Variants in PVT1 observed in about 807,000 individuals in gnomAD.
PVT1 encodes the protein CXCR4/PVT1 fusion.
intron 2 of PVT1, among the ~76,000 whole-genome samples, chr8:127,813,806 T>C (rs1814627569): frequency 6.6e-6 from 1 of 152,144 alleles, no homozygotes; most frequent in South Asian, 2.1e-4. Context: ...GCAAACCACA[T>C]GGAAACGAGA....
intron 3 of PVT1, among the ~76,000 whole-genome samples, chr8:127,944,554 A>ATTT (rs11403538): frequency 6.9e-5 from 10 of 145,512 alleles, no homozygotes; most frequent in Admixed American, 2.1e-4. Flanking sequence ...CAGTTGTCCC[A>ATTT]TTTTTTTTTT....
At chr8:128,079,952 G>A (rs1391656844) in intron 5 of PVT1, among the ~76,000 whole-genome samples, 1 of 152,016 alleles carries the variant, frequency 6.6e-6, no homozygotes, top group African/African-American at 2.4e-5. Context: ...TTTCAATCTC[G>A]TGACCTCGTA....
At chr8:127,933,864 G>T (rs1027432549) in intron 3 of PVT1, among the ~76,000 whole-genome samples, 42 of 152,322 alleles carry the variant, frequency 2.8e-4, no homozygotes, top group African/African-American at 9.9e-4. Flanking sequence ...TCTACATCCT[G>T]GGTTCTTCAT....
intron 4 of PVT1, among the ~76,000 whole-genome samples, chr8:128,007,278 G>A (rs535051058): frequency 3.0e-4 from 46 of 152,346 alleles, no homozygotes; most frequent in African/African-American, 1.1e-3. Context: ...TTGGGCAATA[G>A]TATTGTACTA....
At chr8:128,051,277 A>G (rs1813692536) in intron 4 of PVT1, among the ~76,000 whole-genome samples, 1 of 152,234 alleles carries the variant, frequency 6.6e-6, no homozygotes, top group Non-Finnish European at 1.5e-5. Flanking sequence ...TGCATAAGAC[A>G]TAGGTAGCTG....
intron 3 of PVT1, among the ~76,000 whole-genome samples, chr8:127,910,320 G>C (rs1408493316): frequency 6.6e-6 from 1 of 152,150 alleles, no homozygotes; most frequent in East Asian, 1.9e-4. Context: ...GGTGGTTTTT[G>C]TTCCATAATA....
At chr8:127,866,818 T>C (rs1246783626) in intron 2 of PVT1, among the ~76,000 whole-genome samples, 1 of 152,178 alleles carries the variant, frequency 6.6e-6, no homozygotes, top group Non-Finnish European at 1.5e-5. Context: ...CCTAGGCAGA[T>C]CTTGCCTCCC....
At chr8:127,970,293 T>G (rs1040413732) in intron 3 of PVT1, among the ~76,000 whole-genome samples, 82 of 114,460 alleles carry the variant, frequency 7.2e-4, no homozygotes, top group African/African-American at 2.5e-3. Context: ...TGATTTGTTT[T>G]TTTTTTTTTT....
chr8:128,085,564 T>G (rs577491903), intron 5 of PVT1, among the ~76,000 whole-genome samples: 113 of 152,330 alleles, frequency 7.4e-4, no homozygotes, highest in Non-Finnish European at 9.4e-4. Context: ...TTGATGTGGT[T>G]GTTGTTTCAA....
At chr8:127,911,809 C>T (rs1047548665) in intron 3 of PVT1, among the ~76,000 whole-genome samples, 4 of 152,202 alleles carry the variant, frequency 2.6e-5, no homozygotes, top group Admixed American at 6.5e-5. Context: ...ACTAGGGGTC[C>T]GCACTATGGG....
At chr8:127,959,954 T>A (rs1350520537) in intron 3 of PVT1, among the ~76,000 whole-genome samples, 4 of 152,204 alleles carry the variant, frequency 2.6e-5, no homozygotes, top group Non-Finnish European at 5.9e-5. Context: ...TGCCTGCCTT[T>A]TCATGTATGT....
intron 3 of PVT1, among the ~76,000 whole-genome samples, chr8:127,973,281 A>G (rs569633772): frequency 3.0e-4 from 45 of 152,294 alleles, no homozygotes; most frequent in African/African-American, 1.0e-3. Flanking sequence ...AGACGAATCA[A>G]TGACAGGGGT....
intron 3 of PVT1, among the ~76,000 whole-genome samples, chr8:127,988,873 G>C (rs986189026): frequency 6.6e-6 from 1 of 152,294 alleles, no homozygotes; most frequent in Middle Eastern, 3.4e-3. Context: ...GGGGGCTTAT[G>C]AGTCAGAAAG....
In PVT1 at chr8:127,925,405, A is replaced by G. The variant is rs142589094; in HGVS notation, n.782+34407A>G. Among the ~76,000 whole-genome samples the G allele has an allele frequency of 2.2e-3, 330 of 152,338 alleles. 1 individual carries two copies. Among genetic ancestry groups the G allele is most frequent in the African/African-American group, 7.6e-3 (314 of 41,572 alleles). On this transcript the variant is annotated intron_variant and non_coding_transcript_variant, in intron 3 of 10. Transcript: ENST00000651587. ...CATCATGTGATTAAGGCCAAACTCA[A>G]CTTCACAAAAGAGAGCCTCTACTAT...
chr8:128,006,181 C>T (rs566131419), intron 4 of PVT1, among the ~76,000 whole-genome samples: 2 of 150,662 alleles, frequency 1.3e-5, no homozygotes, highest in East Asian at 1.9e-4. Context: ...CAGGACTTCT[C>T]CAAGTTTAGA....
chr8:127,920,677 A>T (rs1181242281), intron 3 of PVT1, among the ~76,000 whole-genome samples: 1 of 152,224 alleles, frequency 6.6e-6, no homozygotes, highest in Non-Finnish European at 1.5e-5. Flanking sequence ...GTACGACATA[A>T]ACTAATGAAA....
intron 4 of PVT1, among the ~76,000 whole-genome samples, chr8:128,046,995 A>G (rs1392356643): frequency 6.6e-6 from 1 of 152,174 alleles, no homozygotes; most frequent in African/African-American, 2.4e-5. Context: ...CCTCTCATGA[A>G]CAGGATGTCC....
intron 3 of PVT1, among the ~76,000 whole-genome samples, chr8:127,921,752 G>T (rs1816060872): frequency 6.7e-6 from 1 of 149,784 alleles, no homozygotes; most frequent in South Asian, 2.1e-4. Flanking sequence ...GGCAGAGGTT[G>T]CAGTGAGCCA....
At chr8:127,874,914 GTGT>G (rs1815388804) in intron 2 of PVT1, among the ~76,000 whole-genome samples, 1 of 151,428 alleles carries the variant, frequency 6.6e-6, no homozygotes, top group East Asian at 2.0e-4. Flanking sequence ...GTGTGTGTGT[GTGT>G]GTGTGTGTGT....
Sources: gnomAD v4.1 joint callset for allele counts (sites outside exome capture counted in the v4.1 genomes callset) on GRCh38, gnomAD v4.1.1 for gene constraint, MANE v1.5 for transcripts, NCBI Gene and HGNC (gene_info 2026-07-23, HGNC 2026-07-21) for gene names.